The following C3orf52 variants were observed in gnomAD, a reference collection of about 807,000 sequenced individuals.
C3orf52 encodes TPA-induced transmembrane protein.
Under a neutral mutation model 24.8 loss-of-function variants are expected in C3orf52, and 22 were observed. The ratio of observed to expected loss-of-function variants is 0.89; its 90% CI spans 0.63 to 1.27. C3orf52 has a LOEUF of 1.27. Among genes scored for constraint, C3orf52 ranks in the 50% most tolerant of loss-of-function variants. C3orf52 has a pLI of 0.00. For missense variants in C3orf52, 265 were observed against 260.7 expected (o/e 1.02, Z -0.11); for synonymous variants, 93 against 100.2 (o/e 0.93, Z 0.43).
downstream of C3orf52, among the ~76,000 whole-genome samples, chr3:112,135,897 T>C (rs2074546583): frequency 6.6e-6 from 1 of 152,190 alleles, no homozygotes. Context: ...CATTGTCAAA[T>C]ACTACTCCCA....
At chr3:112,091,500 C>A (rs942764786) in intron 1 of C3orf52, among the ~76,000 whole-genome samples, 1 of 152,156 alleles carries the variant, frequency 6.6e-6, no homozygotes, top group Non-Finnish European at 1.5e-5. Context: ...GGTGGGAGGC[C>A]TCAGACCAGA....
At chr3:112,093,913 A>G (rs538896474) in intron 2 of C3orf52, among the ~76,000 whole-genome samples, 52 of 152,356 alleles carry the variant, frequency 3.4e-4, no homozygotes, top group Non-Finnish European at 6.9e-4. Flanking sequence ...TGATAAAATA[A>G]TAAATAATGT....
intron 3 of C3orf52, among the ~76,000 whole-genome samples, chr3:112,106,926 G>C (rs552121100): frequency 1.2e-4 from 19 of 152,270 alleles, no homozygotes; most frequent in Admixed American, 3.3e-4. Context: ...TCCTTGCTCA[G>C]TTTGCACCAA....
chr3:112,122,412 A>T (rs1160920015), downstream of C3orf52: 25 of 152,174 alleles, frequency 1.6e-4, no homozygotes, highest in Admixed American at 1.6e-3. Context: ...CCTGGGGGTT[A>T]TAGTTTGCTG....
chr3:112,122,543 A>G (rs914449733), downstream of C3orf52: 3 of 152,190 alleles, frequency 2.0e-5, no homozygotes, highest in African/African-American at 7.2e-5. Flanking sequence ...TTAATTTCCT[A>G]TGTGGACATT....
At chr3:112,102,386 A>G (rs545978933) in intron 2 of C3orf52, among the ~76,000 whole-genome samples, 1 of 151,446 alleles carries the variant, frequency 6.6e-6, no homozygotes, top group East Asian at 2.0e-4. Flanking sequence ...ATCTGAGTCT[A>G]TAAATATACC....
At chr3:112,102,102 G>A (rs897907733) in intron 2 of C3orf52, among the ~76,000 whole-genome samples, 7 of 150,992 alleles carry the variant, frequency 4.6e-5, no homozygotes, top group African/African-American at 1.7e-4. Context: ...TACCTGTCCT[G>A]TGAGACATAG....
chr3:112,109,702 C>T, intron 4 of C3orf52, 89 bp downstream of exon 4: 1 of 791,636 alleles, frequency 1.3e-6, no homozygotes, highest in Non-Finnish European at 2.1e-6. Flanking sequence ...GCAGGGATTC[C>T]CAGAGCCTCA....
chr3:112,089,503 T>G, intron 1 of C3orf52, among the ~76,000 whole-genome samples: 1 of 133,272 alleles, frequency 7.5e-6, no homozygotes, highest in Admixed American at 8.8e-5. Context: ...CACTCCAGCC[T>G]GGGCAACAAG....
At chr3:112,133,032 T>G, downstream of C3orf52, 1 of 1,550,122 alleles carries the variant, frequency 6.5e-7, no homozygotes, top group Non-Finnish European at 8.9e-7. Flanking sequence ...TCTTTTTCTC[T>G]TCCTTGCTGT....
chr3:112,106,727 C>G (rs1334044178), intron 3 of C3orf52, among the ~76,000 whole-genome samples: 4 of 152,210 alleles, frequency 2.6e-5, no homozygotes, highest in African/African-American at 7.2e-5. Flanking sequence ...TTTCTAAACA[C>G]AGGCCCTGCC....
chr3:112,103,048 A>G (rs2073989196), intron 3 of C3orf52, 83 bp downstream of exon 3: 2 of 1,286,704 alleles, frequency 1.6e-6, no homozygotes, highest in South Asian at 2.7e-5. Context: ...AGAGCTATAG[A>G]GTAAGTAGCT....
At chr3:112,090,019 C>T (rs2073862989) in intron 1 of C3orf52, among the ~76,000 whole-genome samples, 1 of 152,146 alleles carries the variant, frequency 6.6e-6, no homozygotes, top group Admixed American at 6.5e-5. Flanking sequence ...CTATGTGTGG[C>T]CTCTCCTCAC....
intron 4 of C3orf52, chr3:112,123,236 C>T (rs1348717248): frequency 4.9e-6 from 4 of 815,666 alleles, no homozygotes; most frequent in Non-Finnish European, 7.4e-6. Flanking sequence ...AGATGGTTAC[C>T]TCTTTCTCAA....
At chr3:112,098,918 G>C (rs1262145705) in intron 2 of C3orf52, among the ~76,000 whole-genome samples, 1 of 152,130 alleles carries the variant, frequency 6.6e-6, no homozygotes, top group African/African-American at 2.4e-5. Flanking sequence ...ATATTGTTTG[G>C]ATTTGTGTCC....
rs1412240067 is a variant in C3orf52 at position 112,128,133 on chromosome 3, T to C, written c.*47-100T>C. The C allele has an allele frequency of 4.9e-6, 7 of 1,427,856 alleles. No individual in the cohort carries two copies. The African/African-American group carries it at 8.4e-5, about 17-fold the overall frequency. The allele number at this position is 1,427,856 out of a possible 1,614,324, so 88.4% of individuals were successfully genotyped here. On this transcript the variant is annotated intron_variant, in intron 4 of 4. Coordinates refer to the C3orf52 transcript ENST00000480282. ...GCTTTGTTAAGGTGACTCCTTTCCT[T>C]TTGCCATTTCTGTGGAAAACTTTTT...
chr3:112,103,321 G>GT (rs1178196994), intron 3 of C3orf52, among the ~76,000 whole-genome samples: 1 of 152,076 alleles, frequency 6.6e-6, no homozygotes, highest in Non-Finnish European at 1.5e-5. Context: ...CATGACACGA[G>GT]TTTACCTATA....
downstream of C3orf52, chr3:112,132,786 C>T (rs893616302): frequency 1.5e-5 from 7 of 463,956 alleles, no homozygotes; most frequent in Non-Finnish European, 2.1e-5. Flanking sequence ...CCTTCCCGGG[C>T]TTTCAGAAAG....
At chr3:112,105,587 A>G (rs886741733) in intron 3 of C3orf52, among the ~76,000 whole-genome samples, 3 of 147,326 alleles carry the variant, frequency 2.0e-5, no homozygotes, top group Admixed American at 1.3e-4. Context: ...ACACCAACCA[A>G]TTATCTGCCA....
Sources: gnomAD v4.1 joint callset for allele counts (sites outside exome capture counted in the v4.1 genomes callset) on GRCh38, gnomAD v4.1.1 for gene constraint, MANE v1.5 for transcripts, NCBI Gene and HGNC (gene_info 2026-07-23, HGNC 2026-07-21) for gene names.